The following TRPM3 variants were observed in gnomAD, a reference collection of about 807,000 sequenced individuals.
The protein encoded by TRPM3 is transient receptor potential cation channel subfamily M member 3.
Under a neutral mutation model 181.2 loss-of-function variants are expected in TRPM3, and 77 were observed. The observed-to-expected ratio is 0.42, with a 90% CI of 0.35 to 0.51. The LOEUF (loss-of-function observed/expected upper bound fraction) is 0.51. Ranked by LOEUF, TRPM3 falls within the 20% of genes least tolerant of loss-of-function variation. The pLI is 0.01. For synonymous variants in TRPM3, 745 were observed against 796.4 expected (o/e 0.94, Z 1.09); for missense variants, 1,759 against 2,196.7 (o/e 0.80, Z 3.98).
intron 1 of TRPM3, among the ~76,000 whole-genome samples, chr9:71,018,026 CTG>C (rs1182363902): frequency 6.6e-6 from 1 of 151,764 alleles, no homozygotes; most frequent in African/African-American, 2.4e-5. Context: ...AAAAAGATAA[CTG>C]AATGATCCCC....
intron 10 of TRPM3, 117 bp downstream of exon 10, chr9:70,640,443 A>G: frequency 1.4e-6 from 1 of 728,362 alleles, no homozygotes; most frequent in Non-Finnish European, 2.3e-6. Context: ...CTACCAAGGA[A>G]CACATTCCAT....
intron 3 of TRPM3, among the ~76,000 whole-genome samples, chr9:70,860,038 A>G (rs2095485204): frequency 6.6e-6 from 1 of 152,158 alleles, no homozygotes; most frequent in Non-Finnish European, 1.5e-5. Context: ...GAAATATTCT[A>G]ACACATCTTT....
At chr9:70,692,531 C>T (rs150969785) in intron 8 of TRPM3, among the ~76,000 whole-genome samples, 42 of 152,258 alleles carry the variant, frequency 2.8e-4, no homozygotes, top group Non-Finnish European at 5.3e-4. Flanking sequence ...TGATGAAAGT[C>T]CTAGGGAGAG....
intron 1 of TRPM3, among the ~76,000 whole-genome samples, chr9:70,894,608 AT>A (rs2096256288): frequency 6.6e-6 from 1 of 152,176 alleles, no homozygotes; most frequent in Non-Finnish European, 1.5e-5. Flanking sequence ...GAACTTTAGG[AT>A]AAAATACAAG....
At chr9:71,444,222 C>G (rs976433275) in intron 1 of TRPM3, among the ~76,000 whole-genome samples, 31 of 148,516 alleles carry the variant, frequency 2.1e-4, no homozygotes, top group African/African-American at 6.9e-4. Context: ...CCCTTGAGGA[C>G]AGAGTCATGG....
intron 1 of TRPM3, among the ~76,000 whole-genome samples, chr9:71,141,012 T>C (rs945555304): frequency 1.2e-4 from 19 of 152,246 alleles, no homozygotes; most frequent in Non-Finnish European, 2.5e-4. Context: ...CAGCTTGTTA[T>C]GTGTTCATTC....
intron 1 of TRPM3, among the ~76,000 whole-genome samples, chr9:70,958,004 A>G (rs1380428719): frequency 1.3e-5 from 2 of 152,262 alleles, no homozygotes; most frequent in Admixed American, 6.5e-5. Context: ...AAAATTAGGA[A>G]TAGCATGTAT....
chr9:71,343,369 T>A (rs1316733856), intron 1 of TRPM3, among the ~76,000 whole-genome samples: 1 of 152,046 alleles, frequency 6.6e-6, no homozygotes, highest in Non-Finnish European at 1.5e-5. Context: ...TCACTATCAG[T>A]GTGGGGAGGG....
intron 1 of TRPM3, among the ~76,000 whole-genome samples, chr9:71,134,449 G>C (rs1285181233): frequency 6.6e-6 from 1 of 151,154 alleles, no homozygotes; most frequent in Non-Finnish European, 1.5e-5. Flanking sequence ...CTACTTGGGA[G>C]GCTGAGGCAG....
At chr9:70,865,968 T>G (rs1053413935) in intron 1 of TRPM3, among the ~76,000 whole-genome samples, 6 of 152,086 alleles carry the variant, frequency 3.9e-5, no homozygotes, top group Non-Finnish European at 8.8e-5. Context: ...GCCTTTCAGC[T>G]AAACATGAAA....
chr9:70,692,157 CCATTAA>C (rs1305324921), intron 8 of TRPM3, among the ~76,000 whole-genome samples: 2 of 152,200 alleles, frequency 1.3e-5, no homozygotes, highest in Admixed American at 1.3e-4. Context: ...ATTTTATTCT[CCATTAA>C]CATTATCACC....
chr9:70,617,560 AAG>A lies in TRPM3; in HGVS notation c.2358+1305_2358+1306del, dbSNP rs140922833. Among the ~76,000 whole-genome samples, 430 of 152,302 alleles carry A rather than the reference AAG, an allele frequency of 2.8e-3. 1 individual carries two copies. Among genetic ancestry groups the A allele is most frequent in the African/African-American group, 0.01 (420 of 41,566 alleles). On this transcript the variant is annotated intron_variant, in intron 17 of 25. Transcript: ENST00000677713. ...TTGTACTGTATACTGGAAATATGCT[AAG>A]AGAGTGGATTTTAGGTGCTCTTACA...
chr9:71,114,978 T>C (rs2072003287), intron 1 of TRPM3, among the ~76,000 whole-genome samples: 1 of 152,014 alleles, frequency 6.6e-6, no homozygotes, highest in South Asian at 2.1e-4. Flanking sequence ...TAAAAAGAAA[T>C]AGGGAAAAAC....
At chr9:71,355,240 T>C (rs544796742) in intron 1 of TRPM3, among the ~76,000 whole-genome samples, 65 of 152,326 alleles carry the variant, frequency 4.3e-4, no homozygotes, top group Non-Finnish European at 7.1e-4. Context: ...TGAGCTTATT[T>C]GGAAAAAGTT....
chr9:70,952,744 T>TG (rs546781225), intron 1 of TRPM3, among the ~76,000 whole-genome samples: 30 of 152,120 alleles, frequency 2.0e-4, no homozygotes, highest in African/African-American at 6.7e-4. Context: ...CAAAATCTTG[T>TG]GGGGGATTGT....
At chr9:70,619,234 T>C (rs2063238982) in intron 16 of TRPM3, 139 bp from the exon 17 acceptor site, 1 of 677,090 alleles carries the variant, frequency 1.5e-6, no homozygotes, top group Non-Finnish European at 2.5e-6. Flanking sequence ...TGTTTGTAAA[T>C]TCATCCAGCC....
intron 20 of TRPM3, among the ~76,000 whole-genome samples, chr9:70,600,254 T>G (rs1399071340): frequency 1.3e-5 from 2 of 151,872 alleles, no homozygotes; most frequent in Non-Finnish European, 2.9e-5. Flanking sequence ...CCTCTGAGGA[T>G]TCCATCTCTT....
intron 1 of TRPM3, among the ~76,000 whole-genome samples, chr9:71,275,839 A>G (rs528486140): frequency 3.0e-4 from 39 of 131,128 alleles, no homozygotes; most frequent in African/African-American, 1.2e-3. Flanking sequence ...ATGGAGAAAG[A>G]AGGAACTTTT....
chr9:70,779,101 T>C (rs1293220522), intron 7 of TRPM3, among the ~76,000 whole-genome samples: 1 of 152,140 alleles, frequency 6.6e-6, no homozygotes, highest in African/African-American at 2.4e-5. Flanking sequence ...TTATTAAACA[T>C]CCTTTAAACA....
Sources: allele counts gnomAD v4.1 joint callset (sites outside exome capture counted in the v4.1 genomes callset), GRCh38; gene constraint gnomAD v4.1.1; transcripts MANE v1.5; gene names NCBI Gene and HGNC (gene_info 2026-07-23, HGNC 2026-07-21).